The following PEX5L variants were observed in gnomAD, a reference collection of about 807,000 sequenced individuals.
PEX5L encodes peroxisomal biogenesis factor 5 like.
A neutral mutation model predicts 84.0 loss-of-function variants in PEX5L; 30 were observed. The ratio of observed to expected loss-of-function variants is 0.36; its 90% confidence interval spans 0.27 to 0.48. The LOEUF (loss-of-function observed/expected upper bound fraction) is 0.48. Among genes scored for constraint, PEX5L ranks in the 20% least tolerant of loss-of-function variants. The probability of loss-of-function intolerance (pLI) is 0.99; values close to 1 mark genes in which losing one functional copy is unlikely to be tolerated. For missense variants in PEX5L, 533 were observed against 754.6 expected, an observed-to-expected ratio of 0.71 and a Z score of 3.44; for synonymous variants, 270 against 283.1, an observed-to-expected ratio of 0.95 and a Z score of 0.46.
intron 7 of PEX5L, among the ~76,000 whole-genome samples, chr3:179,862,095 C>A (rs1232623615): frequency 1.3e-5 from 2 of 152,218 alleles, no homozygotes; most frequent in Non-Finnish European, 2.9e-5. Flanking sequence ...GGGGGAGAAT[C>A]TGCACCACGC....
chr3:179,819,839 T>A, intron 9 of PEX5L, 21 bp downstream of exon 9: 1 of 1,609,758 alleles, frequency 6.2e-7, no homozygotes, highest in Non-Finnish European at 8.5e-7. Flanking sequence ...AGTCAGCATG[T>A]ATAGGAACAG....
At chr3:179,891,692 T>C (rs1023122130) in intron 3 of PEX5L, among the ~76,000 whole-genome samples, 1 of 152,180 alleles carries the variant, frequency 6.6e-6, no homozygotes, top group African/African-American at 2.4e-5. Flanking sequence ...AATTTTAAAT[T>C]GCATCTTCAG....
intron 1 of PEX5L, among the ~76,000 whole-genome samples, chr3:180,031,561 A>T (rs1791467420): frequency 6.6e-6 from 1 of 152,222 alleles, no homozygotes; most frequent in African/African-American, 2.4e-5. Flanking sequence ...GATGTCCCAA[A>T]CATTCAGATT....
intron 2 of PEX5L, among the ~76,000 whole-genome samples, chr3:179,909,126 G>A (rs905234251): frequency 5.3e-4 from 80 of 152,076 alleles, no homozygotes; most frequent in African/African-American, 1.9e-3. Context: ...TGGAATAAGT[G>A]GCAATGGTTC....
chr3:179,929,871 C>A (rs151044653), intron 2 of PEX5L, among the ~76,000 whole-genome samples: 5 of 152,152 alleles, frequency 3.3e-5, no homozygotes, highest in Admixed American at 1.3e-4. Context: ...CTTTCTGGTT[C>A]TCTTGTTGTT....
chr3:179,821,387 C>A (rs1397767116), intron 8 of PEX5L, among the ~76,000 whole-genome samples: 1 of 152,154 alleles, frequency 6.6e-6, no homozygotes, highest in Non-Finnish European at 1.5e-5. Context: ...TGAGGTTAAC[C>A]TTCACCTTTT....
chr3:180,020,217 C>G (rs1009344225), intron 1 of PEX5L, among the ~76,000 whole-genome samples: 1 of 151,944 alleles, frequency 6.6e-6, no homozygotes, highest in Admixed American at 6.6e-5. Flanking sequence ...ATATAATGAG[C>G]AAATCATGCA....
chr3:179,991,049 G>C (rs183809057), intron 1 of PEX5L, among the ~76,000 whole-genome samples: 11 of 152,204 alleles, frequency 7.2e-5, no homozygotes, highest in African/African-American at 2.4e-4. Flanking sequence ...CTAACACTTA[G>C]GAACCACCAC....
intron 8 of PEX5L, among the ~76,000 whole-genome samples, chr3:179,840,972 T>G (rs1001035052): frequency 6.6e-6 from 1 of 152,008 alleles, no homozygotes; most frequent in African/African-American, 2.4e-5. Flanking sequence ...AAAATCAGAT[T>G]AAGAGCCATC....
At chr3:179,925,745 T>C (rs1771251964) in intron 2 of PEX5L, among the ~76,000 whole-genome samples, 2 of 152,164 alleles carry the variant, frequency 1.3e-5, no homozygotes, top group Admixed American at 6.5e-5. Context: ...CAAAGAAAAA[T>C]GATACCAATA....
At chr3:179,849,129 G>A (rs1423187848) in intron 8 of PEX5L, among the ~76,000 whole-genome samples, 1 of 152,132 alleles carries the variant, frequency 6.6e-6, no homozygotes, top group Non-Finnish European at 1.5e-5. Flanking sequence ...AGCTACTAGT[G>A]TTACCCTAAG....
At chr3:179,805,389 C>T (rs1354777671) in intron 14 of PEX5L, among the ~76,000 whole-genome samples, 1 of 151,974 alleles carries the variant, frequency 6.6e-6, no homozygotes, top group Non-Finnish European at 1.5e-5. Context: ...CTGAGAATAC[C>T]AAAATCTGAG....
intron 8 of PEX5L, among the ~76,000 whole-genome samples, chr3:179,835,746 G>A (rs1440133085): frequency 6.6e-6 from 1 of 152,162 alleles, no homozygotes; most frequent in Non-Finnish European, 1.5e-5. Context: ...TTTTCATATG[G>A]GGAACTCCAA....
intron 7 of PEX5L, 123 bp from the exon 8 acceptor site, chr3:179,859,280 A>G (rs1157788245): frequency 5.6e-6 from 4 of 711,622 alleles, no homozygotes; most frequent in Non-Finnish European, 9.6e-6. Context: ...GTGACTGATG[A>G]CATTTTTGGA....
intron 1 of PEX5L, chr3:179,973,680 T>C: frequency 1.0e-6 from 1 of 985,438 alleles, no homozygotes; most frequent in Non-Finnish European, 1.2e-6. Context: ...AGAACATCAT[T>C]CGAAACTGCA....
At chr3:179,908,731 T>G (rs910862720) in intron 2 of PEX5L, among the ~76,000 whole-genome samples, 1 of 151,982 alleles carries the variant, frequency 6.6e-6, no homozygotes. Flanking sequence ...TGGTTTTTTG[T>G]CCTTGCGATA....
intron 8 of PEX5L, among the ~76,000 whole-genome samples, chr3:179,844,603 C>T (rs963618896): frequency 2.6e-5 from 4 of 152,172 alleles, no homozygotes; most frequent in Middle Eastern, 3.4e-3. Context: ...CCGAGGCGGG[C>T]GGATCATGAG....
At chr3:179,915,425 C>A (rs933824549) in intron 2 of PEX5L, among the ~76,000 whole-genome samples, 1 of 152,182 alleles carries the variant, frequency 6.6e-6, no homozygotes, top group Non-Finnish European at 1.5e-5. Flanking sequence ...TTTAATCGAA[C>A]ATGCCTTAAG....
intron 1 of PEX5L, among the ~76,000 whole-genome samples, chr3:180,025,630 G>A (rs1364874635): frequency 6.6e-6 from 1 of 152,068 alleles, no homozygotes; most frequent in Non-Finnish European, 1.5e-5. Context: ...AGTGACGGAT[G>A]AGTAAACATT....
Sources: allele counts gnomAD v4.1 joint callset (sites outside exome capture counted in the v4.1 genomes callset), GRCh38; gene constraint gnomAD v4.1.1; transcripts MANE v1.5; gene names NCBI Gene and HGNC (gene_info 2026-07-23, HGNC 2026-07-21).